CACNA1C: variants seen among roughly 807,000 people sequenced by gnomAD.
CACNA1C encodes voltage-dependent L-type calcium channel subunit alpha-1C.
In CACNA1C, 30 loss-of-function variants were observed where a neutral mutation model predicts 229.0. The observed-to-expected ratio is 0.13, with a 90% CI of 0.10 to 0.18. CACNA1C has a LOEUF of 0.18. CACNA1C is among the 10% of genes least tolerant of loss of function. CACNA1C has a pLI of 1.00. For synonymous variants in CACNA1C, 1,114 were observed against 1,132.5 expected (o/e 0.98, Z 0.33); for missense variants, 1,658 against 2,845.0 (o/e 0.58, Z 9.49).
intron 3 of CACNA1C, among the ~76,000 whole-genome samples, chr12:2,322,670 T>A (rs2096067855): frequency 6.6e-6 from 1 of 152,208 alleles, no homozygotes; most frequent in South Asian, 2.1e-4. Context: ...TTCCTTCTGC[T>A]CACCCCAAAT....
In CACNA1C at chr12:2,053,252, A is replaced by AT. The variant is rs2052847893; in HGVS notation, c.-305dup. 8.5e-6 allele frequency: 9 copies of AT among 1,059,588 alleles called. No individual in the cohort carries two copies. The highest frequency in any genetic ancestry group is 9.1e-6 in the Non-Finnish European group (8 of 878,496). 65.6% of individuals were successfully genotyped at this position (1,059,588 alleles called of 1,614,324 possible). A position where few individuals can be genotyped will look rare whatever the true frequency, so the allele number is the denominator to read the frequency against. ...CTTCTCGCCCTGCCTCTCCCGATTT[A>AT]TTTTTTCAAATGGTGTAGCCGCCGG... On this transcript the variant is annotated 5_prime_UTR_variant, in exon 1 of 47. Transcript: ENST00000399655. This position sits in a 1 kb window ranked among gnomAD's most constrained non-coding sequence, Gnocchi z 5.8.
intron 3 of CACNA1C, among the ~76,000 whole-genome samples, chr12:2,294,029 A>G (rs1162965046): frequency 6.6e-6 from 1 of 152,262 alleles, no homozygotes; most frequent in Non-Finnish European, 1.5e-5. Context: ...AGCCACTGTC[A>G]GGCACTAGTT....
chr12:2,560,848 T>TAAAAAAAAAAAAAAAAAAAAAA (rs36012443), intron 11 of CACNA1C, among the ~76,000 whole-genome samples: 3 of 113,096 alleles, frequency 2.7e-5, no homozygotes, highest in African/African-American at 1.0e-4. Context: ...TTGGTTCTGG[T>TAAAAAAAAAAAAAAAAAAAAAA]AAAAAAAAAA....
At chr12:2,092,346 G>A (rs773785057) in intron 1 of CACNA1C, among the ~76,000 whole-genome samples, 11 of 152,176 alleles carry the variant, frequency 7.2e-5, no homozygotes, top group Non-Finnish European at 1.0e-4. Context: ...CCCTCTTCCA[G>A]TTCAAACCTG....
rs1024593088 is a variant in CACNA1C at position 2,480,033 on chromosome 12, C to T, written c.758-6071C>T. On this transcript the variant is annotated intron_variant, in intron 5 of 46. Transcript: ENST00000399655. ...GGGATTATTTCCTCCACTTTACCAG[C>T]GAGGACGTTATCAGGAGGGCCTTCC... Among the ~76,000 whole-genome samples the T allele has an allele frequency of 5.3e-5, 8 of 152,180 alleles. No homozygotes were observed. The East Asian group carries it at 5.8e-4, about 11-fold the overall frequency.
In CACNA1C at chr12:2,326,603, C is replaced by G. The variant is rs111287823; in HGVS notation, c.478-122373C>G. Among the ~76,000 whole-genome samples the G allele has an allele frequency of 1.5e-3, 231 of 152,318 alleles. 2 individuals are homozygous for G. The highest frequency in any genetic ancestry group is 5.3e-3 in the African/African-American group (220 of 41,566). On this transcript the variant is annotated intron_variant, in intron 3 of 46. Transcript: ENST00000399655. ...TCCAGGAATGTAATCAGGCTTGACCCCTGCCTCCTAGCTCTCGCCATGCTG... is the reference window on the plus strand; with the variant it reads ...TCCAGGAATGTAATCAGGCTTGACCGCTGCCTCCTAGCTCTCGCCATGCTG...
intron 3 of CACNA1C, among the ~76,000 whole-genome samples, chr12:2,367,295 C>T (rs1425652230): frequency 6.6e-6 from 1 of 152,188 alleles, no homozygotes; most frequent in African/African-American, 2.4e-5. Flanking sequence ...GGGAGTCATG[C>T]TTGCTCACCT....
chr12:2,008,447 A>T (rs1392188229), intron 1 of CACNA1C, among the ~76,000 whole-genome samples: 1 of 151,938 alleles, frequency 6.6e-6, no homozygotes, highest in Non-Finnish European at 1.5e-5. Flanking sequence ...CTCAGGATGG[A>T]GATGTTATTT....
chr12:2,486,329 G>C lies in CACNA1C; in HGVS notation c.916+67G>C. 2 of 1,377,680 alleles carry C rather than the reference G, an allele frequency of 1.5e-6. No homozygotes were observed. The highest frequency in any genetic ancestry group is 2.0e-6 in the Non-Finnish European group (2 of 995,760). The allele number at this position is 1,377,680 out of a possible 1,614,324, so 85.3% of individuals were successfully genotyped here. On this transcript the variant is annotated intron_variant, in intron 6 of 46. Coordinates refer to ENST00000399655, the MANE Select transcript of CACNA1C (RefSeq NM_000719.7). This position sits in a 1 kb window ranked among gnomAD's most constrained non-coding sequence, Gnocchi z 4.9. The stretch of plus-strand genomic sequence containing the variant: ...TATCGCTCCCAGCACCTTTCCCGCT[G>C]CTGGCTACACCAACATGACCAGCAG...
At position 2,493,736 on chromosome 12, in the gene CACNA1C, C is replaced by T. The variant is rs1464584119; in HGVS notation, c.1113+350C>T. Among the ~76,000 whole-genome samples, 1 of 152,224 alleles carries T rather than the reference C, an allele frequency of 6.6e-6. No homozygotes were observed. The highest frequency in any genetic ancestry group is 1.5e-5 in the Non-Finnish European group (1 of 68,044). On this transcript the variant is annotated intron_variant, in intron 7 of 46. Transcript: ENST00000399655. The surrounding 1 kb of genome is among the most constrained non-coding windows in gnomAD (Gnocchi z 4.6). ...ATGCAGAGTTCCTTCTGCCCTCATCCTTTTCTTGCCTCTTTCCTCAAAAGG... is the reference window on the plus strand; with the variant it reads ...ATGCAGAGTTCCTTCTGCCCTCATCTTTTTCTTGCCTCTTTCCTCAAAAGG...
chr12:2,672,455 C>T (rs2096608327), intron 38 of CACNA1C, among the ~76,000 whole-genome samples: 1 of 152,186 alleles, frequency 6.6e-6, no homozygotes, highest in Admixed American at 6.5e-5. Flanking sequence ...AAAGTTCTCT[C>T]AGTTTAGGAG....
chr12:2,304,908 G>T (rs896310335), intron 3 of CACNA1C, among the ~76,000 whole-genome samples: 11 of 152,192 alleles, frequency 7.2e-5, no homozygotes, highest in Admixed American at 7.2e-4. Context: ...ATGCCCGGGG[G>T]CTTTATGTTT....
intron 3 of CACNA1C, among the ~76,000 whole-genome samples, chr12:2,360,901 C>T (rs1435373446): frequency 6.6e-6 from 1 of 151,986 alleles, no homozygotes; most frequent in Non-Finnish European, 1.5e-5. Context: ...TATACGAATC[C>T]ACTCGTCTCC....
intron 1 of CACNA1C, among the ~76,000 whole-genome samples, chr12:2,014,606 TG>T (rs771200516): frequency 1.4e-4 from 22 of 152,152 alleles, no homozygotes; most frequent in Non-Finnish European, 2.9e-4. Context: ...GTGAAAAGTT[TG>T]GGATGCTATG....
intron 3 of CACNA1C, among the ~76,000 whole-genome samples, chr12:2,296,764 C>T (rs1486144119): frequency 1.3e-5 from 2 of 152,216 alleles, no homozygotes; most frequent in Admixed American, 6.5e-5. Context: ...TCTAACAGTA[C>T]GGAAATGGAT....
In CACNA1C at chr12:2,654,486, G is replaced by T. The variant is rs2153666452; in HGVS notation, c.4140+586G>T. Among the ~76,000 whole-genome samples the T allele has an allele frequency of 6.6e-6, 1 of 152,300 alleles. No individual in the cohort carries two copies. The highest frequency in any genetic ancestry group is 6.5e-5 in the Admixed American group (1 of 15,304). On this transcript the variant is annotated intron_variant, in intron 33 of 46. Transcript: ENST00000399655. The surrounding 1 kb of genome is among the most constrained non-coding windows in gnomAD (Gnocchi z 4.4). ...TAGGGCTCTCCATTCCCGTCTTGGGGCTCCAGCTTGAGTCCCAAGGCCAAA... is the reference window on the plus strand; with the variant it reads ...TAGGGCTCTCCATTCCCGTCTTGGGTCTCCAGCTTGAGTCCCAAGGCCAAA...
chr12:2,444,273 G>C (rs1161296336), intron 3 of CACNA1C, among the ~76,000 whole-genome samples: 1 of 152,204 alleles, frequency 6.6e-6, no homozygotes, highest in Non-Finnish European at 1.5e-5. Context: ...CCTGGCTTGA[G>C]TATCTTGTCA....
chr12:2,606,859 C>A, intron 25 of CACNA1C, 125 bp from the exon 26 acceptor site: 1 of 1,180,410 alleles, frequency 8.5e-7, no homozygotes. Context: ...AAGCTCCTCC[C>A]ATGGCTAGAA....
At chr12:2,157,446 G>A (rs371037302) in intron 3 of CACNA1C, among the ~76,000 whole-genome samples, 1 of 152,214 alleles carries the variant, frequency 6.6e-6, no homozygotes, top group Non-Finnish European at 1.5e-5. Flanking sequence ...AGGGCAGCAC[G>A]CCCGGGGCGA....
Sources: allele counts gnomAD v4.1 joint callset (sites outside exome capture counted in the v4.1 genomes callset), GRCh38; gene constraint gnomAD v4.1.1; non-coding constraint Gnocchi (gnomAD v3.1); transcripts MANE v1.5; gene names NCBI Gene and HGNC (gene_info 2026-07-23, HGNC 2026-07-21).